KAZN: variants seen among roughly 807,000 people sequenced by gnomAD.
KAZN encodes the protein kazrin.
A neutral mutation model predicts 87.4 loss-of-function variants in KAZN; 40 were observed. The ratio of observed to expected loss-of-function variants is 0.46; its 90% CI spans 0.36 to 0.60. The LOEUF (loss-of-function observed/expected upper bound fraction) is 0.60. KAZN is among the 20% of genes least tolerant of loss of function. KAZN has a pLI of 0.00. For synonymous variants in KAZN, 466 were observed against 458.3 expected (o/e 1.02, Z -0.22); for missense variants, 898 against 1,073.9 (o/e 0.84, Z 2.29).
intron 1 of KAZN, among the ~76,000 whole-genome samples, chr1:13,939,727 T>C (rs1640863080): frequency 6.6e-6 from 1 of 152,176 alleles, no homozygotes. Flanking sequence ...AAAAGAGATG[T>C]AATTGGCTCA....
At chr1:14,808,290 CTTTTTTT>C (rs57548450) in intron 1 of KAZN, among the ~76,000 whole-genome samples, 1 of 88,096 alleles carries the variant, frequency 1.1e-5, no homozygotes, top group Non-Finnish European at 2.2e-5. Flanking sequence ...AAAGAGGTTT[CTTTTTTT>C]TTTTTTTTTT....
chr1:13,912,066 G>A (rs1485668983), intron 1 of KAZN, among the ~76,000 whole-genome samples: 1 of 152,164 alleles, frequency 6.6e-6, no homozygotes, highest in Non-Finnish European at 1.5e-5. Flanking sequence ...CACTATGAAG[G>A]TTATATTAAA....
At chr1:13,962,809 T>C (rs545805799) in intron 1 of KAZN, among the ~76,000 whole-genome samples, 3 of 152,268 alleles carry the variant, frequency 2.0e-5, no homozygotes, top group Admixed American at 2.0e-4. Context: ...CTACCTGCCT[T>C]GGCCTCCCAA....
At chr1:14,306,865 A>C (rs111607602) in intron 2 of KAZN, among the ~76,000 whole-genome samples, 1,976 of 152,304 alleles carry the variant, frequency 0.013, 45 homozygotes, top group African/African-American at 0.046. Context: ...TCTTTAAAAG[A>C]CAAGATAAGA....
At chr1:14,743,251 G>A (rs1644162746) in intron 1 of KAZN, among the ~76,000 whole-genome samples, 1 of 151,890 alleles carries the variant, frequency 6.6e-6, no homozygotes, top group Admixed American at 6.6e-5. Context: ...GGCCAACATG[G>A]TGAAACTGTC....
At chr1:14,378,593 G>A (rs955160187) in intron 2 of KAZN, among the ~76,000 whole-genome samples, 1 of 152,174 alleles carries the variant, frequency 6.6e-6, no homozygotes, top group Admixed American at 6.5e-5. Flanking sequence ...GGTGAGTGCA[G>A]CAATTATGAG....
intron 2 of KAZN, among the ~76,000 whole-genome samples, chr1:14,545,808 G>A (rs1200634363): frequency 6.6e-6 from 1 of 152,180 alleles, no homozygotes; most frequent in South Asian, 2.1e-4. Context: ...GAAAGAGAAA[G>A]TGGTGAGTCA....
intron 13 of KAZN, among the ~76,000 whole-genome samples, chr1:15,108,425 A>C (rs1419303935): frequency 2.0e-5 from 3 of 152,140 alleles, no homozygotes; most frequent in African/African-American, 7.2e-5. Context: ...TCATCGTGTG[A>C]TTTTAGACAA....
intron 1 of KAZN, among the ~76,000 whole-genome samples, chr1:14,889,813 A>AG (rs1654502844): frequency 6.6e-6 from 1 of 152,260 alleles, no homozygotes; most frequent in South Asian, 2.1e-4. Flanking sequence ...ACTGGATCAC[A>AG]GCCTTGCCCA....
In KAZN at chr1:14,356,859, G is replaced by GT. The variant is rs1659071614; in HGVS notation, c.249+176267_249+176268insT. ...TAGTATAGTTTGAAGTCAGGTAGCA[G>GT]GATACCTCCAGCTTTGTTCTTTTTG... On this transcript the variant is annotated intron_variant, in intron 2 of 16. Coordinates refer to the KAZN transcript ENST00000636203. Among the ~76,000 whole-genome samples, 5 of 152,034 alleles carry GT rather than the reference G, an allele frequency of 3.3e-5. No individual in the cohort carries two copies. In the South Asian group the frequency reaches 1.0e-3, roughly 32 times the overall value.
At chr1:14,412,375 T>C (rs1664379361) in intron 2 of KAZN, among the ~76,000 whole-genome samples, 1 of 152,152 alleles carries the variant, frequency 6.6e-6, no homozygotes. Context: ...TTTCACTACT[T>C]ACAAAGTTAT....
chr1:14,806,515 GT>G (rs1646228513), intron 1 of KAZN, among the ~76,000 whole-genome samples: 1 of 152,208 alleles, frequency 6.6e-6, no homozygotes. Context: ...CCAATGAGGG[GT>G]TGATTGGCAG....
chr1:14,020,792 A>G (rs1640788752), intron 1 of KAZN, among the ~76,000 whole-genome samples: 1 of 152,198 alleles, frequency 6.6e-6, no homozygotes, highest in South Asian at 2.1e-4. Context: ...CAATATCTGG[A>G]TAGAAAGTAA....
At chr1:14,042,653 T>C (rs949651373) in intron 1 of KAZN, among the ~76,000 whole-genome samples, 1 of 152,222 alleles carries the variant, frequency 6.6e-6, no homozygotes, top group Non-Finnish European at 1.5e-5. Context: ...CCCTCCTATT[T>C]GTTGTGAATT....
chr1:14,518,199 T>TTG (rs1671396403), intron 2 of KAZN, among the ~76,000 whole-genome samples: 2 of 148,350 alleles, frequency 1.3e-5, no homozygotes, highest in African/African-American at 2.5e-5. Flanking sequence ...TTTTTTTTTT[T>TTG]GGGCAGAGTC....
chr1:14,975,311 C>T (rs929028917), intron 2 of KAZN, among the ~76,000 whole-genome samples: 7 of 152,216 alleles, frequency 4.6e-5, no homozygotes, highest in African/African-American at 1.7e-4. Flanking sequence ...GGTCTGACCA[C>T]CTGGCCCAGC....
chr1:14,043,470 A>T (rs1641925430), intron 1 of KAZN, among the ~76,000 whole-genome samples: 1 of 152,218 alleles, frequency 6.6e-6, no homozygotes, highest in Non-Finnish European at 1.5e-5. Flanking sequence ...TTGCTGGATC[A>T]AATGGTAATT....
At chr1:14,681,609 A>G (rs1377954626) in intron 1 of KAZN, among the ~76,000 whole-genome samples, 2 of 67,410 alleles carry the variant, frequency 3.0e-5, no homozygotes, top group African/African-American at 6.5e-5. Flanking sequence ...ATATATGTAT[A>G]TGTGTATATA....
chr1:13,895,206 T>C (rs1361553818), intron 1 of KAZN, among the ~76,000 whole-genome samples: 3 of 152,146 alleles, frequency 2.0e-5, no homozygotes, highest in Admixed American at 2.0e-4. Flanking sequence ...CACTCCTAAC[T>C]TGATTTTGGT....
Sources: gnomAD v4.1 joint callset for allele counts (sites outside exome capture counted in the v4.1 genomes callset) on GRCh38, gnomAD v4.1.1 for gene constraint, MANE v1.5 for transcripts, NCBI Gene and HGNC (gene_info 2026-07-23, HGNC 2026-07-21) for gene names.